The following ALK variants were observed in gnomAD, a reference collection of about 807,000 sequenced individuals.
The protein encoded by ALK is ALK receptor tyrosine kinase.
Under a neutral mutation model 163.1 loss-of-function variants are expected in ALK, and 74 were observed. The observed-to-expected ratio is 0.45, with a 90% CI of 0.38 to 0.55. The LOEUF (loss-of-function observed/expected upper bound fraction) is 0.55, where lower values mean the gene tolerates loss of function less well. Ranked by LOEUF, ALK falls within the 20% of genes least tolerant of loss-of-function variation. The probability of loss-of-function intolerance (pLI) is 0.00; values close to 1 mark genes in which losing one functional copy is unlikely to be tolerated. For synonymous variants in ALK, 960 were observed against 843.2 expected (o/e 1.14, Z -2.40); for missense variants, 2,063 against 2,105.3 (o/e 0.98, Z 0.39).
intron 3 of ALK, among the ~76,000 whole-genome samples, chr2:29,687,807 A>G (rs905980897): frequency 2.0e-5 from 3 of 152,146 alleles, no homozygotes; most frequent in African/African-American, 7.2e-5. Context: ...ATTTCCCCAT[A>G]TTATTCAATA....
At chr2:29,763,367 T>G (rs985203271) in intron 1 of ALK, among the ~76,000 whole-genome samples, 3 of 152,170 alleles carry the variant, frequency 2.0e-5, no homozygotes, top group African/African-American at 7.2e-5. Context: ...TCTAGTCACT[T>G]TGAGAGCTAG....
At chr2:29,514,922 C>T (rs1306111214) in intron 4 of ALK, among the ~76,000 whole-genome samples, 2 of 152,206 alleles carry the variant, frequency 1.3e-5, no homozygotes, top group Non-Finnish European at 2.9e-5. Flanking sequence ...ACTTGCAGTT[C>T]CATCCTTAAA....
At chr2:29,359,729 C>T (rs769095523) in intron 5 of ALK, among the ~76,000 whole-genome samples, 9 of 152,170 alleles carry the variant, frequency 5.9e-5, no homozygotes, top group Non-Finnish European at 1.0e-4. Context: ...AGAAGGCGGC[C>T]AGCACCATGC....
At chr2:29,671,511 G>A (rs1677687868) in intron 3 of ALK, among the ~76,000 whole-genome samples, 1 of 152,054 alleles carries the variant, frequency 6.6e-6, no homozygotes, top group Non-Finnish European at 1.5e-5. Flanking sequence ...TGTGCATTAA[G>A]GGAAGGACAG....
intron 24 of ALK, among the ~76,000 whole-genome samples, chr2:29,213,251 T>C (rs1215182992): frequency 2.0e-5 from 3 of 152,200 alleles, no homozygotes; most frequent in Non-Finnish European, 2.9e-5. Flanking sequence ...ACATACATGA[T>C]ATATGATGTT....
At chr2:29,399,894 T>C (rs1489663412) in intron 4 of ALK, among the ~76,000 whole-genome samples, 1 of 152,112 alleles carries the variant, frequency 6.6e-6, no homozygotes, top group Non-Finnish European at 1.5e-5. Flanking sequence ...AAAACAGGCA[T>C]GGAAAGCAGA....
At chr2:29,439,400 A>G (rs2148079434) in intron 4 of ALK, among the ~76,000 whole-genome samples, 1 of 152,358 alleles carries the variant, frequency 6.6e-6, no homozygotes, top group East Asian at 1.9e-4. Context: ...AAAAATAAAT[A>G]TAAATGTATA....
chr2:29,525,504 G>C (rs1672933718), intron 4 of ALK, among the ~76,000 whole-genome samples: 1 of 152,052 alleles, frequency 6.6e-6, no homozygotes, highest in East Asian at 1.9e-4. Flanking sequence ...CTCAAGATGA[G>C]ACTCGGGCCG....
At chr2:29,446,145 A>AAAC (rs1553316607) in intron 4 of ALK, among the ~76,000 whole-genome samples, 26 of 131,568 alleles carry the variant, frequency 2.0e-4, no homozygotes, top group Non-Finnish European at 4.6e-5. Context: ...CTGTCTCAAA[A>AAAC]AAACAAACAA....
chr2:29,730,666 TA>T (rs1227606307), intron 1 of ALK, among the ~76,000 whole-genome samples: 1 of 152,220 alleles, frequency 6.6e-6, no homozygotes, highest in Non-Finnish European at 1.5e-5. Context: ...CCTTTTTTCA[TA>T]TCATGACACA....
At chr2:29,657,185 T>G (rs1558428632) in intron 3 of ALK, among the ~76,000 whole-genome samples, 1 of 152,026 alleles carries the variant, frequency 6.6e-6, no homozygotes, top group Non-Finnish European at 1.5e-5. Flanking sequence ...AAGGCTAAGG[T>G]GGACAAGAGT....
intron 15 of ALK, among the ~76,000 whole-genome samples, chr2:29,230,718 T>C (rs1664175337): frequency 6.6e-6 from 1 of 152,012 alleles, no homozygotes; most frequent in Non-Finnish European, 1.5e-5. Context: ...GGGGTGGGTG[T>C]TGAGCTTGGG....
In ALK at chr2:29,193,208, G is replaced by T. The variant is rs1668916666; in HGVS notation, c.*16C>A. 1 of 1,612,510 alleles carries T rather than the reference G, an allele frequency of 6.2e-7. No individual in the cohort carries two copies. Among genetic ancestry groups the T allele is most frequent in the Non-Finnish European group, 8.5e-7 (1 of 1,179,094 alleles). On this transcript the variant is annotated 3_prime_UTR_variant, in exon 29 of 29. Coordinates refer to ENST00000389048, the MANE Select transcript of ALK (RefSeq NM_004304.5). ...CTTAGGGATCCCAAGGAAGAGAAGT[G>T]AGTGTGCGACCGAGCTCAGGGCCCA...
intron 12 of ALK, among the ~76,000 whole-genome samples, chr2:29,240,116 A>T (rs866838311): frequency 1.3e-5 from 2 of 150,216 alleles, no homozygotes; most frequent in South Asian, 4.3e-4. Flanking sequence ...GGGAGGGAAG[A>T]AGGGAGAGAA....
chr2:29,796,236 T>G (rs1360191364), intron 1 of ALK, among the ~76,000 whole-genome samples: 1 of 152,192 alleles, frequency 6.6e-6, no homozygotes, highest in Non-Finnish European at 1.5e-5. Context: ...TGTGGCTGTC[T>G]TCTTAATAAG....
intron 4 of ALK, among the ~76,000 whole-genome samples, chr2:29,482,985 T>G (rs1671698271): frequency 6.6e-6 from 1 of 152,216 alleles, no homozygotes; most frequent in Admixed American, 6.5e-5. Flanking sequence ...TCTACTAGGC[T>G]ATTCCTACGC....
At chr2:29,709,549 TAGGAA>T (rs1679012353) in intron 2 of ALK, among the ~76,000 whole-genome samples, 1 of 152,118 alleles carries the variant, frequency 6.6e-6, no homozygotes, top group African/African-American at 2.4e-5. Flanking sequence ...GCTTAACGTC[TAGGAA>T]GAGTGATAAC....
At chr2:29,830,712 TTAAAAAAAAAAAAAAAAAAAAAAAAAAAA>T (rs1423291832) in intron 1 of ALK, among the ~76,000 whole-genome samples, 8 of 63,512 alleles carry the variant, frequency 1.3e-4, no homozygotes, top group Admixed American at 1.1e-3. Flanking sequence ...CTAAAATAGT[TTAAAAAAAAAAAAAAAAAAAAAAAAAAAA>T]AAAAAAAAAA....
chr2:29,208,567 C>G (rs1374470741), intron 25 of ALK, among the ~76,000 whole-genome samples: 1 of 152,192 alleles, frequency 6.6e-6, no homozygotes, highest in Non-Finnish European at 1.5e-5. Context: ...GTGGTAGACA[C>G]TCCAGAGACG....
Sources: gnomAD v4.1 joint callset for allele counts (sites outside exome capture counted in the v4.1 genomes callset) on GRCh38, gnomAD v4.1.1 for gene constraint, MANE v1.5 for transcripts, NCBI Gene and HGNC (gene_info 2026-07-23, HGNC 2026-07-21) for gene names.